Variants in OTOGL observed in about 807,000 individuals in gnomAD.
OTOGL encodes otogelin like, also known as otogelin-like protein.
OTOGL carries 285 observed loss-of-function variants against 318.5 expected under a neutral mutation model. The observed-to-expected ratio is 0.89, with a 90% confidence interval of 0.81 to 0.99. OTOGL has a LOEUF of 0.99. Ranked by LOEUF, OTOGL falls within the 50% of genes least tolerant of loss-of-function variation. OTOGL has a pLI of 0.00. For missense variants in OTOGL, 2,899 were observed against 2,845.6 expected, an observed-to-expected ratio of 1.02 and a Z score of -0.43; for synonymous variants, 987 against 936.5, an observed-to-expected ratio of 1.05 and a Z score of -0.99.
chr12:80,313,441 A>G (rs756620465), intron 30 of OTOGL, 35 bp from the exon 31 acceptor site: 1 of 1,552,588 alleles, frequency 6.4e-7, no homozygotes, highest in Non-Finnish European at 8.9e-7. Flanking sequence ...ATCAGTATCT[A>G]TTGAAATTAA....
At chr12:80,183,622 A>G (rs1043729137) in intron 1 of OTOGL, among the ~76,000 whole-genome samples, 3 of 152,216 alleles carry the variant, frequency 2.0e-5, no homozygotes, top group Non-Finnish European at 2.9e-5. Context: ...CATAGACTTC[A>G]TAGTCACCAA....
In OTOGL at chr12:80,210,549, A is replaced by G. The variant is rs116130879; in HGVS notation, c.80-298A>G. ...TTGGCATTTTGTTTAAGCTTGGCAT[A>G]TAGTAAGTGGTAGGACTAGAACTAA... On this transcript the variant is annotated intron_variant, in intron 2 of 58. Transcript: ENST00000547103. Among the ~76,000 whole-genome samples, 1,984 of 152,216 alleles carry G rather than the reference A, an allele frequency of 0.013. 42 individuals carry two copies. The highest frequency in any genetic ancestry group is 0.044 in the African/African-American group (1,821 of 41,542).
At chr12:80,178,868 C>A (rs181419483) in intron 1 of OTOGL, among the ~76,000 whole-genome samples, 199 of 152,282 alleles carry the variant, frequency 1.3e-3, no homozygotes, top group African/African-American at 4.6e-3. Flanking sequence ...CTACTTCTCA[C>A]TGCCTAGTGT....
At chr12:80,175,797 A>G (rs1874489339) in intron 1 of OTOGL, among the ~76,000 whole-genome samples, 1 of 152,176 alleles carries the variant, frequency 6.6e-6, no homozygotes, top group Non-Finnish European at 1.5e-5. Flanking sequence ...TGTCTATACC[A>G]ATATGAAGGT....
At chr12:80,108,976 C>T (rs375899422) in intron 1 of OTOGL, among the ~76,000 whole-genome samples, 18 of 139,456 alleles carry the variant, frequency 1.3e-4, no homozygotes, top group African/African-American at 2.8e-4. Flanking sequence ...ATATAATTTA[C>T]GGTTATCATT....
intron 2 of OTOGL, among the ~76,000 whole-genome samples, chr12:80,210,158 C>T (rs1047138052): frequency 6.6e-6 from 1 of 151,992 alleles, no homozygotes; most frequent in African/African-American, 2.4e-5. Flanking sequence ...CACCCAGTTC[C>T]ATAACTATCA....
intron 11 of OTOGL, among the ~76,000 whole-genome samples, chr12:80,241,682 T>G (rs1161775533): frequency 1.3e-5 from 2 of 152,164 alleles, no homozygotes; most frequent in African/African-American, 4.8e-5. Flanking sequence ...ATTCTGCATT[T>G]TTTAGTTCAG....
intron 1 of OTOGL, among the ~76,000 whole-genome samples, chr12:80,157,093 C>A (rs1353706335): frequency 2.0e-5 from 3 of 152,054 alleles, no homozygotes; most frequent in African/African-American, 7.2e-5. Flanking sequence ...CACATCCTCG[C>A]CAGCATTTGT....
At chr12:80,145,717 A>G (rs1342385528) in intron 1 of OTOGL, among the ~76,000 whole-genome samples, 2 of 151,758 alleles carry the variant, frequency 1.3e-5, no homozygotes, top group Non-Finnish European at 2.9e-5. Flanking sequence ...ATTTGTTTGT[A>G]TCCTCTTTTA....
intron 1 of OTOGL, among the ~76,000 whole-genome samples, chr12:80,108,773 A>ATATATATATATATGTATATATATATATG (rs1201951898): frequency 3.5e-5 from 1 of 28,574 alleles, no homozygotes; most frequent in Non-Finnish European, 8.4e-5. Flanking sequence ...ATATACACGT[A>ATATATATATATATGTATATATATATATG]TATATATATA....
chr12:80,352,036 G>T (rs539385427), intron 44 of OTOGL, among the ~76,000 whole-genome samples: 7 of 152,118 alleles, frequency 4.6e-5, no homozygotes, highest in South Asian at 2.1e-4. Context: ...ATAAATTTTT[G>T]CTTGGCTCCA....
At chr12:80,267,663 G>GT (rs1239651023) in intron 22 of OTOGL, among the ~76,000 whole-genome samples, 3 of 147,096 alleles carry the variant, frequency 2.0e-5, no homozygotes, top group African/African-American at 5.0e-5. Flanking sequence ...GCAGTGTTTG[G>GT]TTTTTTTAAC....
At chr12:80,238,506 C>T (rs1011083375) in intron 9 of OTOGL, among the ~76,000 whole-genome samples, 4 of 152,130 alleles carry the variant, frequency 2.6e-5, no homozygotes, top group Non-Finnish European at 4.4e-5. Flanking sequence ...TTTCGTTTTA[C>T]GCATATTTTT....
At chr12:80,328,998 G>A (rs1887892861) in intron 36 of OTOGL, 53 bp from the exon 37 acceptor site, 2 of 1,464,228 alleles carry the variant, frequency 1.4e-6, no homozygotes, top group Admixed American at 2.1e-5. Flanking sequence ...AAATATGTGG[G>A]TCTAATTTTA....
intron 27 of OTOGL, among the ~76,000 whole-genome samples, chr12:80,299,803 G>A (rs750665730): frequency 4.6e-5 from 7 of 152,040 alleles, no homozygotes; most frequent in Non-Finnish European, 7.4e-5. Context: ...CATCTGAAGT[G>A]GAGATCTCTA....
intron 1 of OTOGL, among the ~76,000 whole-genome samples, chr12:80,126,323 G>T (rs1870834904): frequency 6.6e-6 from 1 of 152,094 alleles, no homozygotes; most frequent in South Asian, 2.1e-4. Context: ...GGAGCAGGTT[G>T]TTCAGTTTCC....
intron 26 of OTOGL, among the ~76,000 whole-genome samples, chr12:80,291,081 G>C (rs142329528): frequency 1.4e-3 from 210 of 152,260 alleles, no homozygotes; most frequent in African/African-American, 4.9e-3. Flanking sequence ...TGATTGTGCA[G>C]AAAATATTTC....
At chr12:80,228,818 T>G (rs1879108228) in intron 7 of OTOGL, among the ~76,000 whole-genome samples, 2 of 152,136 alleles carry the variant, frequency 1.3e-5, no homozygotes, top group South Asian at 4.1e-4. Context: ...ATCAATTTTA[T>G]TTTTAGTGAG....
At chr12:80,184,215 C>T (rs1233374636) in intron 1 of OTOGL, among the ~76,000 whole-genome samples, 1 of 152,212 alleles carries the variant, frequency 6.6e-6, no homozygotes, top group Admixed American at 6.5e-5. Context: ...TGCTCTGCTT[C>T]AGGCAGATTC....
Sources: allele counts gnomAD v4.1 joint callset (sites outside exome capture counted in the v4.1 genomes callset), GRCh38; gene constraint gnomAD v4.1.1; transcripts MANE v1.5; gene names NCBI Gene and HGNC (gene_info 2026-07-23, HGNC 2026-07-21).